The following TUSC3 variants were observed in gnomAD, a reference collection of about 807,000 sequenced individuals.
The protein encoded by TUSC3 is dolichyl-diphosphooligosaccharide--protein glycosyltransferase subunit TUSC3.
TUSC3 carries 45 observed loss-of-function variants against 44.8 expected under a neutral mutation model. The observed-to-expected ratio is 1.00, with a 90% confidence interval of 0.79 to 1.29. The LOEUF (loss-of-function observed/expected upper bound fraction) is 1.29, where lower values mean the gene tolerates loss of function less well. Among genes scored for constraint, TUSC3 ranks in the 50% most tolerant of loss-of-function variants. The pLI is 0.00. For synonymous variants in TUSC3, 212 were observed against 152.9 expected (o/e 1.39, Z -2.85); for missense variants, 519 against 437.9 (o/e 1.19, Z -1.65).
chr8:15,663,862 A>G (rs868170834), intron 5 of TUSC3, among the ~76,000 whole-genome samples: 1 of 151,874 alleles, frequency 6.6e-6, no homozygotes, highest in Non-Finnish European at 1.5e-5. Flanking sequence ...GTAAAAATGC[A>G]GTACTTTCAC....
chr8:15,535,175 G>A (rs916178050), intron 2 of TUSC3, among the ~76,000 whole-genome samples: 1 of 152,156 alleles, frequency 6.6e-6, no homozygotes, highest in Non-Finnish European at 1.5e-5. Context: ...TATATAGCAG[G>A]TTAGATTCTG....
intron 7 of TUSC3, among the ~76,000 whole-genome samples, chr8:15,741,338 C>T (rs1811187847): frequency 6.6e-6 from 1 of 152,162 alleles, no homozygotes; most frequent in East Asian, 1.9e-4. Flanking sequence ...TTAGATGAAT[C>T]ATAAAATGAA....
chr8:15,637,620 G>T (rs1380842914), intron 2 of TUSC3, among the ~76,000 whole-genome samples: 3 of 151,770 alleles, frequency 2.0e-5, no homozygotes, highest in Non-Finnish European at 2.9e-5. Flanking sequence ...TAGTAGCCTT[G>T]TACAGATGCT....
chr8:15,767,778 A>G (rs1812369627), downstream of TUSC3, among the ~76,000 whole-genome samples: 1 of 152,164 alleles, frequency 6.6e-6, no homozygotes, highest in African/African-American at 2.4e-5. Flanking sequence ...TGTGCTGAGA[A>G]TGGTTTCTTG....
chr8:15,711,454 A>C (rs1457032013), intron 6 of TUSC3, among the ~76,000 whole-genome samples: 3 of 128,510 alleles, frequency 2.3e-5, no homozygotes, highest in Non-Finnish European at 4.9e-5. Flanking sequence ...TTAGAAAAAC[A>C]AAAAGGTACG....
chr8:15,798,504 G>T, the TUSC3 span, among the ~76,000 whole-genome samples: 2 of 152,118 alleles, frequency 1.3e-5, no homozygotes. Flanking sequence ...GGTAGAGAAA[G>T]AGTGAAGGAT....
intron 2 of TUSC3, among the ~76,000 whole-genome samples, chr8:15,643,989 G>A (rs1028068247): frequency 2.0e-5 from 3 of 152,036 alleles, no homozygotes; most frequent in South Asian, 2.1e-4. Context: ...ATTTTCATAC[G>A]AATCTGCTAT....
intron 2 of TUSC3, among the ~76,000 whole-genome samples, chr8:15,637,686 C>T (rs1287089528): frequency 6.6e-6 from 1 of 151,828 alleles, no homozygotes; most frequent in East Asian, 1.9e-4. Flanking sequence ...TATACCAGAC[C>T]AGAAACCATA....
chr8:15,437,131 G>T (rs1408304070), intron 1 of TUSC3, among the ~76,000 whole-genome samples: 1 of 152,074 alleles, frequency 6.6e-6, no homozygotes, highest in Non-Finnish European at 1.5e-5. Flanking sequence ...GAAAAGTTCT[G>T]TTTCCCCTAA....
In TUSC3 at chr8:15,422,475, T is replaced by C. The variant is rs188048841; in HGVS notation, n.91+5170T>C. On this transcript the variant is annotated intron_variant and non_coding_transcript_variant, in intron 1 of 5. Coordinates refer to the TUSC3 transcript ENST00000503191. ...GAGATGGTCAAAGGATGCAAAATAT[T>C]AGTTAGAAGATATAAGTTCAAGAGC... Among the ~76,000 whole-genome samples, 5 of 152,212 alleles carry C rather than the reference T, an allele frequency of 3.3e-5. No individual in the cohort carries two copies. The East Asian group carries it at 9.7e-4, about 29-fold the overall frequency.
chr8:15,564,475 A>G (rs1333984277), intron 1 of TUSC3, among the ~76,000 whole-genome samples: 2 of 152,118 alleles, frequency 1.3e-5, no homozygotes, highest in African/African-American at 4.8e-5. Flanking sequence ...TCTTTTTAAT[A>G]CCCCCTTTTG....
chr8:15,694,360 T>C (rs569393738), intron 6 of TUSC3, among the ~76,000 whole-genome samples: 2 of 147,520 alleles, frequency 1.4e-5, no homozygotes, highest in South Asian at 4.3e-4. Flanking sequence ...GAAAATCACT[T>C]GAACCTGGGA....
chr8:15,585,918 A>C (rs184271625), intron 1 of TUSC3, among the ~76,000 whole-genome samples: 1 of 152,184 alleles, frequency 6.6e-6, no homozygotes, highest in Non-Finnish European at 1.5e-5. Flanking sequence ...AGTTAAAGCC[A>C]TGAAAGTAGA....
At chr8:15,756,252 TC>T (rs1349439472) in intron 9 of TUSC3, among the ~76,000 whole-genome samples, 2 of 152,174 alleles carry the variant, frequency 1.3e-5, no homozygotes, top group African/African-American at 4.8e-5. Context: ...GTCTCATTTT[TC>T]TGCAGCTCTA....
At chr8:15,504,621 A>ATATTT (rs1345504233) in intron 2 of TUSC3, among the ~76,000 whole-genome samples, 2 of 20,296 alleles carry the variant, frequency 9.9e-5, no homozygotes, top group East Asian at 3.6e-3. Context: ...ATATATATAT[A>ATATTT]TTTTTTTTTT....
intron 1 of TUSC3, among the ~76,000 whole-genome samples, chr8:15,442,316 C>G (rs567377834): frequency 6.7e-6 from 1 of 149,388 alleles, no homozygotes; most frequent in Non-Finnish European, 1.5e-5. Context: ...CTAAAAGTGA[C>G]TTGAGGAAGT....
chr8:15,688,331 T>TC (rs918055961), intron 6 of TUSC3, among the ~76,000 whole-genome samples: 4 of 152,170 alleles, frequency 2.6e-5, no homozygotes, highest in African/African-American at 9.7e-5. Flanking sequence ...TTATCAAGCA[T>TC]CATTAGGTTT....
At chr8:15,502,338 T>C (rs1443642705) in intron 2 of TUSC3, among the ~76,000 whole-genome samples, 5 of 152,240 alleles carry the variant, frequency 3.3e-5, no homozygotes, top group Admixed American at 6.5e-5. Context: ...AATTATATCA[T>C]AGTCCATCTG....
the TUSC3 span, among the ~76,000 whole-genome samples, chr8:15,827,137 G>C: frequency 1.3e-5 from 2 of 152,214 alleles, no homozygotes; most frequent in African/African-American, 4.8e-5. Context: ...AGGCAATTTA[G>C]AGACTATAAG....
Sources: gnomAD v4.1 joint callset for allele counts (sites outside exome capture counted in the v4.1 genomes callset) on GRCh38, gnomAD v4.1.1 for gene constraint, MANE v1.5 for transcripts, NCBI Gene and HGNC (gene_info 2026-07-23, HGNC 2026-07-21) for gene names.